MCMBP: variants seen among roughly 807,000 people sequenced by gnomAD.
MCMBP encodes minichromosome maintenance complex binding protein.
MCMBP carries 31 observed loss-of-function variants against 81.3 expected under a neutral mutation model. That is an observed-to-expected ratio of 0.38 (90% CI 0.29 to 0.51). The LOEUF (loss-of-function observed/expected upper bound fraction) is 0.51. MCMBP is among the 20% of genes least tolerant of loss of function. The pLI is 0.87. For synonymous variants in MCMBP, 267 were observed against 275.9 expected (o/e 0.97, Z 0.32); for missense variants, 645 against 772.1 (o/e 0.84, Z 1.95).
At chr10:119,847,232 C>T (rs971054070) in intron 8 of MCMBP, among the ~76,000 whole-genome samples, 2 of 151,918 alleles carry the variant, frequency 1.3e-5, no homozygotes, top group African/African-American at 2.4e-5. Context: ...AGAAGGGAGA[C>T]GTGTAAGAAA....
chr10:119,857,465 T>A (rs1323376400), intron 4 of MCMBP, 26 bp from the exon 5 acceptor site: 1 of 1,513,058 alleles, frequency 6.6e-7, no homozygotes, highest in East Asian at 2.3e-5. Context: ...AAAGTGTTTT[T>A]AAAAATTTAC....
chr10:119,866,623 C>T (rs1201609013), intron 1 of MCMBP, among the ~76,000 whole-genome samples: 2 of 151,152 alleles, frequency 1.3e-5, no homozygotes, highest in Non-Finnish European at 2.9e-5. Flanking sequence ...GAGACTCCGT[C>T]TCAAAAAAAA....
chr10:119,846,132 T>A (rs1852611342), intron 8 of MCMBP, among the ~76,000 whole-genome samples: 1 of 152,126 alleles, frequency 6.6e-6, no homozygotes, highest in African/African-American at 2.4e-5. Flanking sequence ...CTTCAAAGCA[T>A]ACGATGAAGC....
At chr10:119,855,783 A>G (rs1026200565) in intron 5 of MCMBP, among the ~76,000 whole-genome samples, 1 of 152,222 alleles carries the variant, frequency 6.6e-6, no homozygotes, top group Non-Finnish European at 1.5e-5. Context: ...ATAGACTAAC[A>G]TTATTGGGAA....
Position 119,831,674 on chromosome 10 carries a change from G to A in MCMBP, c.1797-74C>T. On this transcript the variant is annotated intron_variant, in intron 15 of 15. Transcript: ENST00000369077. ...GTTTTAAATTTTTTTTAAGACCTAG[G>A]AATACTTTGTGAAAACACAGAGCAC... 3.9e-6 allele frequency: 6 copies of A among 1,538,258 alleles called. No individual in the cohort carries two copies. In the South Asian group the frequency reaches 7.2e-5, roughly 19 times the overall value.
chr10:119,839,246 CA>C (rs1488471034), intron 11 of MCMBP, among the ~76,000 whole-genome samples: 3 of 152,186 alleles, frequency 2.0e-5, no homozygotes, highest in Non-Finnish European at 1.5e-5. Context: ...CCTTCTCACT[CA>C]GTGTTTAACG....
intron 14 of MCMBP, among the ~76,000 whole-genome samples, chr10:119,832,959 C>G (rs933924449): frequency 3.3e-5 from 5 of 152,204 alleles, no homozygotes; most frequent in Non-Finnish European, 7.3e-5. Context: ...AGGCTGCAGA[C>G]ATGCTCAGAG....
chr10:119,859,832 C>A lies in MCMBP; in HGVS notation c.111G>T (p.Lys37Asn), dbSNP rs770349540. The change falls in exon 2 of 16, where the codon AAG (lysine) becomes AAT (asparagine). Residue 37 changes from lysine (K) to asparagine (N), a missense_variant. Physicochemically the swap from Lys to Asn is moderately conservative, Grantham distance 94. Transcript: ENST00000369077. Reference sequence around the variant, plus strand: ...GAGCATTATTTTCCTTCAGCTTTTCCTTAAAATACTCAATTACTTTCTTCT... The same window carrying A: ...GAGCATTATTTTCCTTCAGCTTTTCATTAAAATACTCAATTACTTTCTTCT... ...DWEKKVIEYF[K>N]EKLKENNAPK... is the part of the protein sequence containing the mutation. 1 of 1,613,330 alleles carries A rather than the reference C, an allele frequency of 6.2e-7. No homozygotes were observed. The highest frequency in any genetic ancestry group is 2.2e-5 in the East Asian group (1 of 44,830).
intron 5 of MCMBP, 95 bp from the exon 6 acceptor site, chr10:119,853,289 A>G (rs2134377694): frequency 7.7e-7 from 1 of 1,307,184 alleles, no homozygotes; most frequent in African/African-American, 1.5e-5. Flanking sequence ...TAGTTTGGCA[A>G]TTCAGTTAAA....
chr10:119,861,923 G>A (rs923169044), intron 1 of MCMBP, among the ~76,000 whole-genome samples: 2 of 152,064 alleles, frequency 1.3e-5, no homozygotes, highest in Non-Finnish European at 2.9e-5. Context: ...AAATCTTTTT[G>A]TAGAGATGGA....
chr10:119,833,444 A>G (rs1052519091), intron 14 of MCMBP, among the ~76,000 whole-genome samples: 3 of 151,850 alleles, frequency 2.0e-5, no homozygotes, highest in African/African-American at 7.3e-5. Context: ...GGAGTTGACC[A>G]GCCTAGGCAA....
chr10:119,843,711 G>C (rs1852520210), intron 8 of MCMBP, among the ~76,000 whole-genome samples: 1 of 151,984 alleles, frequency 6.6e-6, no homozygotes, highest in South Asian at 2.1e-4. Flanking sequence ...GCCCAGGCTG[G>C]AGTGCAGTGA....
At chr10:119,855,181 G>A (rs1338503495) in intron 5 of MCMBP, among the ~76,000 whole-genome samples, 5 of 152,100 alleles carry the variant, frequency 3.3e-5, no homozygotes, top group Non-Finnish European at 5.9e-5. Context: ...GCAGATTGTT[G>A]CAAGGGCGAA....
intron 13 of MCMBP, 110 bp downstream of exon 13, chr10:119,836,786 T>TAAAAAAAA: frequency 5.5e-6 from 1 of 182,524 alleles, no homozygotes; most frequent in Non-Finnish European, 9.5e-6. Flanking sequence ...TTTTTTTTTT[T>TAAAAAAAA]TTTTTTTTAC....
chr10:119,847,669 C>G lies in MCMBP; in HGVS notation c.771G>C (p.Glu257Asp). ...WDCFKVNDILELYGILSVDPV... is the reference protein window; with the variant it reads ...WDCFKVNDILDLYGILSVDPV... Reference sequence around the variant, plus strand: ...GATCCACAGACAGTATGCCATATAGCTCAAGAATGTCATTTACTTTGAAAC... The same window carrying G: ...GATCCACAGACAGTATGCCATATAGGTCAAGAATGTCATTTACTTTGAAAC... Residue 257 changes from glutamate (E) to aspartate (D), a missense_variant, in exon 8 of 16, where the codon GAG (glutamate) becomes GAC (aspartate). Transcript: ENST00000369077. 1.2e-6 allele frequency: 2 copies of G among 1,611,936 alleles called. No homozygotes were observed. Among genetic ancestry groups the G allele is most frequent in the Non-Finnish European group, 1.7e-6 (2 of 1,178,992 alleles).
At chr10:119,871,406 T>C (rs1402030744) in intron 1 of MCMBP, among the ~76,000 whole-genome samples, 1 of 152,210 alleles carries the variant, frequency 6.6e-6, no homozygotes, top group Non-Finnish European at 1.5e-5. Context: ...CAGTGTTCAC[T>C]GGCTAAGTTC....
At position 119,838,607 on chromosome 10, in the gene MCMBP, G is replaced by A. The variant is rs765380547; in HGVS notation, c.1336C>T (p.Leu446Phe). The A allele has an allele frequency of 6.2e-7, 1 of 1,614,166 alleles. No individual in the cohort carries two copies. The highest frequency in any genetic ancestry group is 8.5e-7 in the Non-Finnish European group (1 of 1,180,008). ...YTANRLVSGLLQLPSNTSLVI... is the reference protein window; with the variant it reads ...YTANRLVSGLFQLPSNTSLVI... ...AGGGAAGTATTGCTGGGCAGCTGGA[G>A]GAGCCCACTGACCAAGCGATTGGCT... is the stretch of plus-strand genomic sequence containing the variant. The change falls in exon 12 of 16, where the codon CTC becomes TTC. Residue 446 changes from leucine (L) to phenylalanine (F), a missense_variant. Leu to Phe is a conservative substitution (Grantham distance 22). Coordinates refer to ENST00000369077, the MANE Select transcript of MCMBP (RefSeq NM_001256378.2).
chr10:119,834,559 C>G (rs1175698741), intron 14 of MCMBP, among the ~76,000 whole-genome samples: 1 of 152,096 alleles, frequency 6.6e-6, no homozygotes, highest in East Asian at 1.9e-4. Flanking sequence ...GCTCACACCT[C>G]TAATTCCAGA....
At position 119,849,584 on chromosome 10, in the gene MCMBP, C is replaced by A; in HGVS notation, c.575-8G>T. 1 of 1,571,242 alleles carries A rather than the reference C, an allele frequency of 6.4e-7. No individual in the cohort carries two copies. The highest frequency in any genetic ancestry group is 8.6e-7 in the Non-Finnish European group (1 of 1,167,228). On this transcript the variant is annotated splice_polypyrimidine_tract_variant and splice_region_variant and intron_variant, in intron 6 of 15. Transcript: ENST00000369077. Reference sequence around the variant, plus strand: ...GAAGACCACCAACACTCCCTAAATTCAAAGGATAGCATTGCACTTAGTCAT... The same window carrying A: ...GAAGACCACCAACACTCCCTAAATTAAAAGGATAGCATTGCACTTAGTCAT...
Sources: gnomAD v4.1 joint callset for allele counts (sites outside exome capture counted in the v4.1 genomes callset) on GRCh38, gnomAD v4.1.1 for gene constraint, MANE v1.5 for transcripts, NCBI Gene and HGNC (gene_info 2026-07-23, HGNC 2026-07-21) for gene names.